PTPRK: variants seen among roughly 807,000 people sequenced by gnomAD.
PTPRK encodes receptor-type tyrosine-protein phosphatase kappa.
PTPRK carries 75 observed loss-of-function variants against 178.0 expected under a neutral mutation model. The ratio of observed to expected loss-of-function variants is 0.42; its 90% CI spans 0.35 to 0.51. The LOEUF (loss-of-function observed/expected upper bound fraction) is 0.51. Ranked by LOEUF, PTPRK falls within the 20% of genes least tolerant of loss-of-function variation. PTPRK has a pLI of 0.02. For synonymous variants in PTPRK, 637 were observed against 620.6 expected (o/e 1.03, Z -0.39); for missense variants, 1,441 against 1,797.8 (o/e 0.80, Z 3.59).
At chr6:128,171,037 A>C (rs10499138) in intron 7 of PTPRK, among the ~76,000 whole-genome samples, 1 of 151,960 alleles carries the variant, frequency 6.6e-6, no homozygotes, top group Non-Finnish European at 1.5e-5. Flanking sequence ...CTATAAGATA[A>C]TTCTCCCATA....
At chr6:128,184,816 T>C in intron 6 of PTPRK, 91 bp from the exon 7 acceptor site, 1 of 1,225,402 alleles carries the variant, frequency 8.2e-7, no homozygotes, top group East Asian at 2.5e-5. Context: ...GCTTAATGGA[T>C]CATTTATTAG....
Position 127,981,115 on chromosome 6 carries a change from C to T in PTPRK, c.3711+1G>A, listed in dbSNP as rs1304323697. 4 of 1,612,198 alleles carry T rather than the reference C, an allele frequency of 2.5e-6. No individual in the cohort carries two copies. Among genetic ancestry groups the T allele is most frequent in the Non-Finnish European group, 1.7e-6 (2 of 1,178,648 alleles). On this transcript the variant is annotated splice_donor_variant, in intron 25 of 29. Coordinates refer to ENST00000368226, the MANE Select transcript of PTPRK (RefSeq NM_002844.4). LOFTEE classifies it high-confidence loss of function. ...CACTAACAAAGAGGGCAGTCTCTTA[C>T]GTCCATAAGAGCAGCATTGATGTAG...
intron 6 of PTPRK, among the ~76,000 whole-genome samples, chr6:128,186,589 T>C (rs1802803430): frequency 6.6e-6 from 1 of 152,060 alleles, no homozygotes; most frequent in Non-Finnish European, 1.5e-5. Flanking sequence ...CTCTTTCCAA[T>C]TTCACGACTG....
At chr6:128,499,632 G>C (rs1855252735) in intron 1 of PTPRK, among the ~76,000 whole-genome samples, 1 of 152,176 alleles carries the variant, frequency 6.6e-6, no homozygotes, top group African/African-American at 2.4e-5. Flanking sequence ...AGGATTTATA[G>C]CAAACATTGT....
rs746982340 is a variant in PTPRK, at chr6:128,322,256, A to C, written c.278T>G (p.Leu93Arg). ...GTTCTCCTTCATTGTAGGCAGCTGAAGTCTGGCTTTTTCTCCAGGGTCGTG... is the reference window on the plus strand; with the variant it reads ...GTTCTCCTTCATTGTAGGCAGCTGACGTCTGGCTTTTTCTCCAGGGTCGTG... Reference protein sequence around the residue: ...SDHDPGEKARLQLPTMKENDT... With the variant: ...SDHDPGEKARRQLPTMKENDT... The change falls in exon 3 of 30, where the codon CTT (leucine) becomes CGT (arginine). Residue 93 changes from leucine to arginine, a missense_variant. Coordinates refer to ENST00000368226, the MANE Select transcript of PTPRK (RefSeq NM_002844.4). The C allele has an allele frequency of 6.2e-7, 1 of 1,611,526 alleles. No homozygotes were observed. Among genetic ancestry groups the C allele is most frequent in the Non-Finnish European group, 8.5e-7 (1 of 1,177,700 alleles).
intron 3 of PTPRK, among the ~76,000 whole-genome samples, chr6:128,296,734 T>A (rs1393061451): frequency 2.0e-5 from 3 of 151,962 alleles, no homozygotes; most frequent in Non-Finnish European, 4.4e-5. Context: ...GCCCTAAACA[T>A]GGAAAGGAAC....
At chr6:128,310,555 C>A (rs982418200) in intron 3 of PTPRK, among the ~76,000 whole-genome samples, 13 of 152,148 alleles carry the variant, frequency 8.5e-5, no homozygotes, top group Non-Finnish European at 1.6e-4. Flanking sequence ...TGGCTCCAAA[C>A]TGGGAAGCAA....
intron 18 of PTPRK, among the ~76,000 whole-genome samples, chr6:127,994,523 A>G (rs1381401540): frequency 6.6e-6 from 1 of 151,854 alleles, no homozygotes; most frequent in Non-Finnish European, 1.5e-5. Flanking sequence ...CACTGCAAAG[A>G]TAAGGAAACT....
chr6:128,288,254 G>A lies in PTPRK; in HGVS notation c.495+33785C>T, dbSNP rs146072165. On this transcript the variant is annotated intron_variant, in intron 3 of 29. Transcript: ENST00000368226. ...TAAATATGGATGCTATCCAAGATTC[G>A]TTTCTTGTCATACACACATGGCTTT... Among the ~76,000 whole-genome samples, 899 of 152,104 alleles carry A rather than the reference G, an allele frequency of 5.9e-3. 11 individuals carry two copies. Among genetic ancestry groups the A allele is most frequent in the African/African-American group, 0.021 (859 of 41,506 alleles).
At chr6:128,175,423 C>T (rs1477508368) in intron 7 of PTPRK, among the ~76,000 whole-genome samples, 7 of 151,754 alleles carry the variant, frequency 4.6e-5, no homozygotes, top group African/African-American at 1.7e-4. Context: ...GCGGCTTTTA[C>T]AATGGCCAAT....
At chr6:128,448,752 G>C (rs1847358262) in intron 1 of PTPRK, among the ~76,000 whole-genome samples, 1 of 152,178 alleles carries the variant, frequency 6.6e-6, no homozygotes, top group Non-Finnish European at 1.5e-5. Flanking sequence ...GCATTTAAGA[G>C]GGGTTATCTA....
At chr6:128,333,518 A>G (rs1830535036) in intron 2 of PTPRK, among the ~76,000 whole-genome samples, 1 of 135,814 alleles carries the variant, frequency 7.4e-6, no homozygotes, top group Admixed American at 8.1e-5. Context: ...TAAAATATAT[A>G]CCTTAATTTT....
At chr6:128,323,080 T>G (rs1403496096) in intron 2 of PTPRK, among the ~76,000 whole-genome samples, 1 of 152,070 alleles carries the variant, frequency 6.6e-6, no homozygotes, top group Non-Finnish European at 1.5e-5. Flanking sequence ...CAGTTTAAAA[T>G]CACCAATCTA....
At chr6:128,330,091 A>ACTGTTTGG (rs1830076590) in intron 2 of PTPRK, among the ~76,000 whole-genome samples, 1 of 152,208 alleles carries the variant, frequency 6.6e-6, no homozygotes, top group Non-Finnish European at 1.5e-5. Flanking sequence ...AACAAAGAAC[A>ACTGTTTGG]TGCCAGAAAC....
intron 1 of PTPRK, among the ~76,000 whole-genome samples, chr6:128,401,406 G>A (rs1221096683): frequency 6.6e-6 from 1 of 152,116 alleles, no homozygotes; most frequent in Non-Finnish European, 1.5e-5. Flanking sequence ...TTTAAACAGA[G>A]GGTAAAAGCT....
At chr6:128,163,300 A>G (rs1428349062) in intron 7 of PTPRK, among the ~76,000 whole-genome samples, 1 of 151,060 alleles carries the variant, frequency 6.6e-6, no homozygotes, top group African/African-American at 2.4e-5. Flanking sequence ...AATAATAAAT[A>G]ATATGTTAGA....
chr6:127,981,486 A>G (rs1386231932), intron 24 of PTPRK, among the ~76,000 whole-genome samples, 197 bp from the exon 25 acceptor site: 2 of 152,184 alleles, frequency 1.3e-5, no homozygotes, highest in Non-Finnish European at 2.9e-5. Flanking sequence ...AACAAGACAC[A>G]CATTGTTCAG....
chr6:128,086,714 T>C (rs1359010391), intron 8 of PTPRK, among the ~76,000 whole-genome samples: 5 of 152,156 alleles, frequency 3.3e-5, no homozygotes, highest in African/African-American at 7.2e-5. Flanking sequence ...AAGTATTCTA[T>C]GTACAAAGTG....
At chr6:128,002,977 A>G (rs1035182988) in intron 15 of PTPRK, among the ~76,000 whole-genome samples, 3 of 151,914 alleles carry the variant, frequency 2.0e-5, no homozygotes, top group African/African-American at 7.2e-5. Context: ...AAATCTAACA[A>G]CCAAGAATTG....
Sources: gnomAD v4.1 joint callset for allele counts (sites outside exome capture counted in the v4.1 genomes callset) on GRCh38, gnomAD v4.1.1 for gene constraint, MANE v1.5 for transcripts, NCBI Gene and HGNC (gene_info 2026-07-23, HGNC 2026-07-21) for gene names.